The following PIP5K1B variants were observed in gnomAD, a reference collection of about 807,000 sequenced individuals.
PIP5K1B encodes phosphatidylinositol-4-phosphate 5-kinase type 1 beta.
In PIP5K1B, 42 loss-of-function variants were observed where a neutral mutation model predicts 67.0. The ratio of observed to expected loss-of-function variants is 0.63; its 90% confidence interval spans 0.49 to 0.81. The LOEUF is 0.81. PIP5K1B is among the 30% of genes least tolerant of loss of function. The pLI is 0.00. For missense variants in PIP5K1B, 459 were observed against 646.3 expected, an observed-to-expected ratio of 0.71 and a Z score of 3.14; for synonymous variants, 214 against 231.4, an observed-to-expected ratio of 0.92 and a Z score of 0.68.
chr9:68,993,537 C>A (rs1341874997), intron 15 of PIP5K1B, among the ~76,000 whole-genome samples: 1 of 152,078 alleles, frequency 6.6e-6, no homozygotes, highest in African/African-American at 2.4e-5. Flanking sequence ...CTGAGCAATG[C>A]TCCACCCTAC....
intron 12 of PIP5K1B, among the ~76,000 whole-genome samples, chr9:68,926,754 T>G (rs1826725637): frequency 6.6e-6 from 1 of 152,010 alleles, no homozygotes. Context: ...GTATTTTTAG[T>G]AGAGATGGGG....
intron 2 of PIP5K1B, among the ~76,000 whole-genome samples, chr9:68,779,573 G>A (rs1025437725): frequency 6.6e-6 from 1 of 152,124 alleles, no homozygotes; most frequent in Non-Finnish European, 1.5e-5. Flanking sequence ...AATGTGGTCT[G>A]GTCCACCACC....
At chr9:68,908,669 T>G (rs984460515) in intron 8 of PIP5K1B, among the ~76,000 whole-genome samples, 1 of 152,210 alleles carries the variant, frequency 6.6e-6, no homozygotes, top group Non-Finnish European at 1.5e-5. Context: ...AGAAAGTGTT[T>G]GGCTCTAACT....
At position 68,950,744 on chromosome 9, in the gene PIP5K1B, TAACA is replaced by T. The variant is rs1444000634; in HGVS notation, c.1502+9960_1502+9963del. The stretch of plus-strand genomic sequence containing the variant: ...ATATGCTTCAAACATACAGGAAGAG[TAACA>T]AACAATTTCTTCCAAGGCAAGTAGA... On this transcript the variant is annotated intron_variant, in intron 14 of 15. Transcript: ENST00000265382. 4.6e-5 allele frequency among the ~76,000 whole-genome samples: 7 copies of T among 152,220 alleles called. No homozygotes were observed. The South Asian group carries it at 1.2e-3, about 27-fold the overall frequency.
chr9:68,826,413 G>A (rs923944289), intron 4 of PIP5K1B, among the ~76,000 whole-genome samples: 5 of 152,174 alleles, frequency 3.3e-5, no homozygotes, highest in Non-Finnish European at 7.3e-5. Flanking sequence ...ATACTCTGAT[G>A]TTTTTCAAGA....
chr9:68,826,366 A>G (rs1002754999), intron 4 of PIP5K1B, among the ~76,000 whole-genome samples: 8 of 152,236 alleles, frequency 5.3e-5, no homozygotes, highest in Non-Finnish European at 8.8e-5. Flanking sequence ...GCTCTAGCCA[A>G]CAGAGCTATG....
intron 2 of PIP5K1B, chr9:68,782,362 GTTCTT>G (rs779407291): frequency 1.4e-4 from 23 of 166,964 alleles, no homozygotes; most frequent in Non-Finnish European, 2.8e-4. Flanking sequence ...ATAGTCGAAT[GTTCTT>G]TTCTTTACCT....
At chr9:68,916,040 A>G (rs1021501941) in intron 8 of PIP5K1B, among the ~76,000 whole-genome samples, 3 of 152,174 alleles carry the variant, frequency 2.0e-5, no homozygotes, top group East Asian at 1.9e-4. Flanking sequence ...AACAAGAAGC[A>G]CAAGAAATTC....
At chr9:68,764,074 C>CTTTTTTTTTTT (rs72304177) in intron 2 of PIP5K1B, among the ~76,000 whole-genome samples, 1 of 73,516 alleles carries the variant, frequency 1.4e-5, no homozygotes, top group African/African-American at 5.4e-5. Flanking sequence ...ACTATAACTT[C>CTTTTTTTTTTT]TTTTTTTTTT....
chr9:68,852,722 C>A (rs1318854235), intron 4 of PIP5K1B, among the ~76,000 whole-genome samples: 1 of 152,164 alleles, frequency 6.6e-6, no homozygotes, highest in Non-Finnish European at 1.5e-5. Context: ...TCTCTCACTT[C>A]TCCTATCAGC....
chr9:68,894,758 T>C, intron 8 of PIP5K1B, 120 bp downstream of exon 8: 1 of 904,238 alleles, frequency 1.1e-6, no homozygotes, highest in Non-Finnish European at 1.7e-6. Flanking sequence ...TGGAATCCTA[T>C]CTTTCCCAAT....
intron 4 of PIP5K1B, among the ~76,000 whole-genome samples, chr9:68,844,379 C>T (rs1391197225): frequency 2.0e-5 from 3 of 152,186 alleles, no homozygotes; most frequent in Non-Finnish European, 4.4e-5. Context: ...GGGAAGGAAG[C>T]AGCCCTCTAT....
At chr9:68,941,753 G>A (rs899336574) in intron 14 of PIP5K1B, among the ~76,000 whole-genome samples, 1 of 152,154 alleles carries the variant, frequency 6.6e-6, no homozygotes, top group Non-Finnish European at 1.5e-5. Context: ...TGATTTCCAG[G>A]AAGAGGAATC....
intron 2 of PIP5K1B, among the ~76,000 whole-genome samples, chr9:68,791,345 A>C (rs1261284793): frequency 6.6e-6 from 1 of 152,116 alleles, no homozygotes; most frequent in Non-Finnish European, 1.5e-5. Context: ...AAAATATGAG[A>C]TATTTGGGAG....
intron 2 of PIP5K1B, among the ~76,000 whole-genome samples, chr9:68,758,879 C>T (rs764408818): frequency 4.6e-5 from 7 of 152,096 alleles, no homozygotes; most frequent in Non-Finnish European, 7.4e-5. Context: ...AATGCATTAC[C>T]TGTAGAGAAA....
intron 6 of PIP5K1B, among the ~76,000 whole-genome samples, chr9:68,882,054 T>A (rs1334088410): frequency 6.6e-6 from 1 of 152,198 alleles, no homozygotes; most frequent in Non-Finnish European, 1.5e-5. Flanking sequence ...CTGCTTTTTC[T>A]TTTTCTCCAG....
At chr9:69,001,238 G>A (rs2133024529) in intron 15 of PIP5K1B, among the ~76,000 whole-genome samples, 1 of 152,042 alleles carries the variant, frequency 6.6e-6, no homozygotes, top group Non-Finnish European at 1.5e-5. Context: ...CCACCCTCTG[G>A]GTCTTGGCAG....
chr9:68,811,840 C>T (rs1203369336), intron 2 of PIP5K1B, among the ~76,000 whole-genome samples: 6 of 152,174 alleles, frequency 3.9e-5, no homozygotes, highest in Non-Finnish European at 8.8e-5. Flanking sequence ...GATAAACTCT[C>T]TTTATTGCCT....
chr9:68,769,642 C>T (rs1176645352), intron 2 of PIP5K1B, among the ~76,000 whole-genome samples: 1 of 151,950 alleles, frequency 6.6e-6, no homozygotes, highest in African/African-American at 2.4e-5. Context: ...ATAATTTTGC[C>T]CTTAGTTCTA....
Sources: allele counts gnomAD v4.1 joint callset (sites outside exome capture counted in the v4.1 genomes callset), GRCh38; gene constraint gnomAD v4.1.1; transcripts MANE v1.5; gene names NCBI Gene and HGNC (gene_info 2026-07-23, HGNC 2026-07-21).